The following EFCAB3 variants were observed in gnomAD, a reference collection of about 807,000 sequenced individuals.
EFCAB3 encodes EF-hand calcium-binding domain-containing protein 3.
A neutral mutation model predicts 42.2 loss-of-function variants in EFCAB3; 36 were observed. The observed-to-expected ratio is 0.85, with a 90% CI of 0.65 to 1.13. The LOEUF is 1.13. EFCAB3 is among the 50% of genes most tolerant of loss of function. The pLI, the probability that EFCAB3 is intolerant of heterozygous loss-of-function variation, is 0.00. For missense variants in EFCAB3, 418 were observed against 505.1 expected (o/e 0.83, Z 1.65); for synonymous variants, 170 against 172.8 (o/e 0.98, Z 0.13).
At chr17:62,370,450 T>C in intron 1 of EFCAB3, 2 of 874,502 alleles carry the variant, frequency 2.3e-6, no homozygotes, top group Non-Finnish European at 3.7e-6. Context: ...AGGTCAGGAG[T>C]TCGAGACTAG....
intron 2 of EFCAB3, among the ~76,000 whole-genome samples, chr17:62,375,538 G>C (rs1847649984): frequency 1.3e-5 from 2 of 152,190 alleles, no homozygotes; most frequent in Non-Finnish European, 2.9e-5. Flanking sequence ...CAAAAGCTTA[G>C]TTTTTGAGTA....
rs143056507 is a variant in EFCAB3 at position 62,389,294 on chromosome 17, G to A, written c.151+1878G>A. On this transcript the variant is annotated intron_variant, in intron 3 of 9. Transcript: ENST00000305286. ...TAAGAGGTGGAGAAGGCAGGTGGTT[G>A]AGGATATGGTCTCTGGAATATGGTC... Among the ~76,000 whole-genome samples, 30 of 152,300 alleles carry A rather than the reference G, an allele frequency of 2.0e-4. No homozygotes were observed. The East Asian group carries it at 3.5e-3, about 18-fold the overall frequency.
At chr17:62,393,717 G>C in intron 5 of EFCAB3, 73 bp downstream of exon 5, 4 of 1,343,360 alleles carry the variant, frequency 3.0e-6, no homozygotes, top group Non-Finnish European at 3.2e-6. Flanking sequence ...TCATTCACAG[G>C]CTTCCAGTCG....
At chr17:62,415,309 T>C (rs2070537119) in intron 9 of EFCAB3, among the ~76,000 whole-genome samples, 1 of 152,180 alleles carries the variant, frequency 6.6e-6, no homozygotes, top group South Asian at 2.1e-4. Flanking sequence ...CTCTCAATGA[T>C]GGCAATTTCA....
chr17:62,412,457 C>A (rs1272179407), intron 8 of EFCAB3, among the ~76,000 whole-genome samples: 1 of 151,508 alleles, frequency 6.6e-6, no homozygotes, highest in Non-Finnish European at 1.5e-5. Context: ...CAAATTTTCC[C>A]CAAGGGTTTT....
At chr17:62,375,322 T>G (rs2070141858) in intron 2 of EFCAB3, among the ~76,000 whole-genome samples, 1 of 152,224 alleles carries the variant, frequency 6.6e-6, no homozygotes, top group African/African-American at 2.4e-5. Context: ...GCTTTTGTTG[T>G]TGGTGCCAGA....
intron 8 of EFCAB3, among the ~76,000 whole-genome samples, chr17:62,410,692 AAGAG>A (rs148472240): frequency 5.1e-4 from 76 of 149,454 alleles, no homozygotes; most frequent in South Asian, 2.3e-3. Context: ...TTCAGAAAGC[AAGAG>A]AGAGAGAGAG....
intron 1 of EFCAB3, among the ~76,000 whole-genome samples, chr17:62,370,771 A>G (rs1046141040): frequency 2.0e-5 from 3 of 152,132 alleles, no homozygotes; most frequent in African/African-American, 7.2e-5. Flanking sequence ...GTGCATATGA[A>G]TCACTTGGTC....
At chr17:62,404,265 C>G (rs1256361139) in intron 6 of EFCAB3, among the ~76,000 whole-genome samples, 1 of 152,154 alleles carries the variant, frequency 6.6e-6, no homozygotes, top group Non-Finnish European at 1.5e-5. Flanking sequence ...GCTTTGGGAG[C>G]CCAAAGCAGG....
rs1489347375 is a variant in EFCAB3, at chr17:62,397,672, T to C, written c.488+2484T>C. ...AAATCACAGCCTTTGTACCCAATGG[T>C]GGTTGCTTGAACTTTATTGAGAAAA... On this transcript the variant is annotated intron_variant, in intron 6 of 9. Transcript: ENST00000305286. The C allele has an allele frequency of 8.5e-6, 5 of 586,514 alleles. No individual in the cohort carries two copies. The East Asian group carries it at 1.2e-4, about 14-fold the overall frequency. The allele number at this position is 586,514 out of a possible 1,614,324, so 36.3% of individuals were successfully genotyped here. A position where few individuals can be genotyped will look rare whatever the true frequency, so the allele number is the denominator to read the frequency against.
At position 62,402,795 on chromosome 17, in the gene EFCAB3, C is replaced by T. The variant is rs369060876; in HGVS notation, c.489-3685C>T. On this transcript the variant is annotated intron_variant, in intron 6 of 9. Transcript: ENST00000305286. The stretch of plus-strand genomic sequence containing the variant: ...GCCAGGCTTTGGTATCAGGATGATG[C>T]TGGCCTCATAAAATGAGTTAGGGAG... Among the ~76,000 whole-genome samples the T allele has an allele frequency of 9.2e-5, 14 of 152,290 alleles. No individual in the cohort carries two copies. In the East Asian group the frequency reaches 2.5e-3, roughly 27 times the overall value.
chr17:62,395,704 A>G (rs1420547653), intron 6 of EFCAB3, among the ~76,000 whole-genome samples: 1 of 152,192 alleles, frequency 6.6e-6, no homozygotes, highest in East Asian at 1.9e-4. Context: ...CATCCTTTAA[A>G]CCTTTAATTC....
chr17:62,387,803 A>G (rs950466641), intron 3 of EFCAB3, among the ~76,000 whole-genome samples: 1 of 152,236 alleles, frequency 6.6e-6, no homozygotes, highest in Non-Finnish European at 1.5e-5. Context: ...TCATCCAAAC[A>G]ACAAATATTT....
At chr17:62,380,285 A>T (rs2070185613), upstream of EFCAB3, among the ~76,000 whole-genome samples, 1 of 152,266 alleles carries the variant, frequency 6.6e-6, no homozygotes, top group Non-Finnish European at 1.5e-5. Context: ...CACAGGCATG[A>T]GCCACCACAC....
chr17:62,402,329 G>T (rs2070411049), intron 6 of EFCAB3, among the ~76,000 whole-genome samples: 1 of 152,092 alleles, frequency 6.6e-6, no homozygotes, highest in East Asian at 1.9e-4. Flanking sequence ...ACACTATGTT[G>T]AATAGGATTG....
At chr17:62,385,877 G>T (rs1274235683) in intron 2 of EFCAB3, among the ~76,000 whole-genome samples, 1 of 147,078 alleles carries the variant, frequency 6.8e-6, no homozygotes, top group Non-Finnish European at 1.5e-5. Flanking sequence ...CCGCCACCAT[G>T]CCCGGCTAAT....
At chr17:62,409,294 T>C (rs920119489) in intron 8 of EFCAB3, among the ~76,000 whole-genome samples, 2 of 152,086 alleles carry the variant, frequency 1.3e-5, no homozygotes, top group Non-Finnish European at 2.9e-5. Flanking sequence ...TGACCTCAGG[T>C]GATCCACCTG....
intron 2 of EFCAB3, among the ~76,000 whole-genome samples, chr17:62,375,440 G>A (rs1456262951): frequency 6.6e-6 from 1 of 152,128 alleles, no homozygotes; most frequent in Non-Finnish European, 1.5e-5. Context: ...TAAGTTCTAT[G>A]TTCACCAATA....
chr17:62,404,610 G>A (rs1286240214), intron 6 of EFCAB3, among the ~76,000 whole-genome samples: 2 of 152,050 alleles, frequency 1.3e-5, no homozygotes, highest in African/African-American at 2.4e-5. Flanking sequence ...CAGCCTGACC[G>A]ACATGGAGAA....
Sources: gnomAD v4.1 joint callset for allele counts (sites outside exome capture counted in the v4.1 genomes callset) on GRCh38, gnomAD v4.1.1 for gene constraint, MANE v1.5 for transcripts, NCBI Gene and HGNC (gene_info 2026-07-23, HGNC 2026-07-21) for gene names.